The following HECTD4 variants were observed in gnomAD, a reference collection of about 807,000 sequenced individuals.
The protein encoded by HECTD4 is probable E3 ubiquitin-protein ligase HECTD4.
HECTD4 carries 114 observed loss-of-function variants against 471.5 expected under a neutral mutation model. The ratio of observed to expected loss-of-function variants is 0.24; its 90% CI spans 0.21 to 0.28. The LOEUF (loss-of-function observed/expected upper bound fraction) is 0.28. Ranked by LOEUF, HECTD4 falls within the 10% of genes least tolerant of loss-of-function variation. HECTD4 has a pLI of 1.00. For missense variants in HECTD4, 3,866 were observed against 5,651.5 expected (o/e 0.68, Z 10.13); for synonymous variants, 2,012 against 2,256.0 (o/e 0.89, Z 3.07).
chr12:112,171,562 A>C (rs957533573), intron 67 of HECTD4, among the ~76,000 whole-genome samples: 1 of 152,214 alleles, frequency 6.6e-6, no homozygotes, highest in Admixed American at 6.5e-5. Flanking sequence ...TTGACTTACA[A>C]TTTTGAAATA....
At chr12:112,211,090 G>A (rs1464395686) in intron 49 of HECTD4, among the ~76,000 whole-genome samples, 1 of 152,170 alleles carries the variant, frequency 6.6e-6, no homozygotes, top group Non-Finnish European at 1.5e-5. Context: ...AGTAGCTCTT[G>A]CCTGTAATCC....
chr12:112,247,931 A>G (rs923757988), intron 27 of HECTD4, 136 bp downstream of exon 27: 1 of 580,420 alleles, frequency 1.7e-6, no homozygotes, highest in Admixed American at 3.5e-5. Flanking sequence ...AAGAATGGGT[A>G]CATTTTTGGA....
chr12:112,167,309 G>C lies in HECTD4; in HGVS notation c.12534+8C>G, dbSNP rs769047145. On this transcript the variant is annotated splice_region_variant and intron_variant, in intron 72 of 75. Coordinates refer to ENST00000682272, the MANE Select transcript of HECTD4 (RefSeq NM_001388303.1). ...CTGCAGCCCCCCAGAACTGTGCCTTGCACTCACGCTCTCAAACTTCTTGAC... is the reference window on the plus strand; with the variant it reads ...CTGCAGCCCCCCAGAACTGTGCCTTCCACTCACGCTCTCAAACTTCTTGAC... 2.5e-6 allele frequency: 4 copies of C among 1,604,608 alleles called. No individual in the cohort carries two copies. In the East Asian group the frequency reaches 8.9e-5, roughly 36 times the overall value.
intron 37 of HECTD4, among the ~76,000 whole-genome samples, chr12:112,234,454 TAA>T (rs1354294755): frequency 2.0e-5 from 3 of 152,186 alleles, no homozygotes; most frequent in Non-Finnish European, 2.9e-5. Context: ...ATCATTTAAG[TAA>T]AGAGAGGCCT....
intron 59 of HECTD4, among the ~76,000 whole-genome samples, chr12:112,191,917 C>G (rs538211262): frequency 6.6e-6 from 1 of 152,306 alleles, no homozygotes; most frequent in East Asian, 1.9e-4. Flanking sequence ...ACGCGTCAGT[C>G]TTTTCCTGTC....
At chr12:112,219,284 G>T in intron 45 of HECTD4, 102 bp downstream of exon 45, 2 of 726,128 alleles carry the variant, frequency 2.8e-6, no homozygotes, top group Non-Finnish European at 2.2e-6. Context: ...CCTCCAAACG[G>T]CTTTGCAAAC....
chr12:112,262,495 G>A (rs566798350), intron 17 of HECTD4, among the ~76,000 whole-genome samples: 178 of 86,606 alleles, frequency 2.1e-3, no homozygotes, highest in Admixed American at 7.5e-3. Context: ...CAGCCTGGGC[G>A]ACAAAGAGAG....
chr12:112,233,120 T>C, intron 37 of HECTD4, 35 bp from the exon 38 acceptor site: 2 of 1,559,956 alleles, frequency 1.3e-6, no homozygotes, highest in South Asian at 2.3e-5. Flanking sequence ...CAGCACACCT[T>C]ACAGGCACTG....
At position 112,185,133 on chromosome 12, in the gene HECTD4, C is replaced by T. The variant is rs1204764627; in HGVS notation, c.9833G>A (p.Ser3278Asn). 6.4e-7 allele frequency: 1 copy of T among 1,555,354 alleles called. No homozygotes were observed. Among genetic ancestry groups the T allele is most frequent in the Admixed American group, 2.0e-5 (1 of 51,224 alleles). The change falls in exon 61 of 76, where the codon AGT becomes AAT. Residue 3278 changes from serine (S) to asparagine (N), a missense_variant. Physicochemically the swap from Ser to Asn is conservative, Grantham distance 46. This residue lies in a region of HECTD4 where 38 missense variants were observed against 72.1 expected (regional missense o/e 0.53). Transcript: ENST00000682272. ...TLPTNMSVTA[S>N]GVTSATAPNL... is the part of the protein sequence containing the mutation. ...TGGGGCGGTCGCTGAGGTCACCCCA[C>T]TGGCTGTGACACTCATGTTAGTAGG...
At chr12:112,212,835 GC>G (rs1453349744) in intron 48 of HECTD4, among the ~76,000 whole-genome samples, 185 bp from the exon 49 acceptor site, 1 of 152,092 alleles carries the variant, frequency 6.6e-6, no homozygotes, top group Non-Finnish European at 1.5e-5. Context: ...TCACTCTGTT[GC>G]CCAGGCTGGA....
chr12:112,189,196 A>G (rs1566066150), intron 60 of HECTD4, among the ~76,000 whole-genome samples: 1 of 152,184 alleles, frequency 6.6e-6, no homozygotes, highest in Non-Finnish European at 1.5e-5. Context: ...CTTGGTTGCC[A>G]ACATTTAAAA....
intron 61 of HECTD4, 78 bp from the exon 62 acceptor site, chr12:112,183,344 CT>C (rs1480572197): frequency 6.2e-6 from 7 of 1,123,524 alleles, no homozygotes; most frequent in Middle Eastern, 2.2e-4. Flanking sequence ...TCCCTCCCAC[CT>C]TTTCCTGGAA....
Position 112,175,819 on chromosome 12 carries a change from T to C in HECTD4, c.11511A>G (p.Lys3837=). The change falls in exon 66 of 76, where the codon AAA becomes AAG. Residue 3837 remains lysine (K), a synonymous_variant. Transcript: ENST00000682272. The part of the protein sequence containing the change: ...EKYLTLEGFH[K]FVIDRARQDI... ...CTTGCCTGGCTCGGTCAATAACAAATTTGTGAAATCCTTCCAGCGTCAGGT... is the reference window on the plus strand; with the variant it reads ...CTTGCCTGGCTCGGTCAATAACAAACTTGTGAAATCCTTCCAGCGTCAGGT... The C allele has an allele frequency of 6.2e-7, 1 of 1,613,590 alleles. No individual in the cohort carries two copies. The highest frequency in any genetic ancestry group is 8.5e-7 in the Non-Finnish European group (1 of 1,179,760).
rs1594040091 is a variant in HECTD4 at position 112,319,692 on chromosome 12, G to A, written c.228C>T (p.Arg76=). 4 of 1,277,398 alleles carry A rather than the reference G, an allele frequency of 3.1e-6. No homozygotes were observed. In the East Asian group the frequency reaches 1.2e-4, roughly 37 times the overall value. 79.1% of individuals were successfully genotyped at this position (1,277,398 alleles called of 1,614,324 possible). A position where few individuals can be genotyped will look rare whatever the true frequency, so the allele number is the denominator to read the frequency against. The change falls in exon 2 of 76, where the codon CGC becomes CGT. Residue 76 remains arginine (R), a synonymous_variant. Transcript: ENST00000682272. This position sits in a 1 kb window ranked among gnomAD's most constrained non-coding sequence, Gnocchi z 5.3. ...CATTGCTCTGATTCCCACAAACAGAGCGCAAACGTTCTGCTAATTCCGACG... is the reference window on the plus strand; with the variant it reads ...CATTGCTCTGATTCCCACAAACAGAACGCAAACGTTCTGCTAATTCCGACG... ...KNPSELAERL[R]SVCGNQSNAY... is the part of the protein sequence containing the mutation.
chr12:112,213,010 G>A lies in HECTD4; in HGVS notation c.7466-360C>T, dbSNP rs893641959. On this transcript the variant is annotated intron_variant, in intron 48 of 75. Transcript: ENST00000682272. The surrounding 1 kb of genome is among the most constrained non-coding windows in gnomAD (Gnocchi z 4.0). ...AGGGTTTTGCCATGTTGGCCAGACT[G>A]GTCTCGAACTGTTGACCTCAGGCAA... 6.6e-6 allele frequency among the ~76,000 whole-genome samples: 1 copy of A among 152,140 alleles called. No homozygotes were observed. The highest frequency in any genetic ancestry group is 6.6e-5 in the Admixed American group (1 of 15,266).
chr12:112,192,617 TG>T lies in HECTD4; in HGVS notation c.9234del (p.Thr3079ProfsTer79). On this transcript the variant is annotated frameshift_variant, in exon 59 of 76. Transcript: ENST00000682272. LOFTEE classifies it high-confidence loss of function. ...ACCACAGAGGGGTACTGGTCAGCGG[TG>T]GGGGGAGGTGCAAGCCCAGTGTTGG... ...SPANTGLAPP[P>X]TADQYPSVVL... 2 of 1,608,962 alleles carry T rather than the reference TG, an allele frequency of 1.2e-6. No homozygotes were observed. Among genetic ancestry groups the T allele is most frequent in the Non-Finnish European group, 1.7e-6 (2 of 1,178,106 alleles).
At chr12:112,341,698 C>T (rs927723994) in intron 1 of HECTD4, among the ~76,000 whole-genome samples, 1 of 152,164 alleles carries the variant, frequency 6.6e-6, no homozygotes, top group South Asian at 2.1e-4. Flanking sequence ...AACCGACTAG[C>T]TAAAATTAAA....
At chr12:112,165,051 G>T (rs887253888) in intron 72 of HECTD4, among the ~76,000 whole-genome samples, 1 of 151,132 alleles carries the variant, frequency 6.6e-6, no homozygotes, top group Non-Finnish European at 1.5e-5. Flanking sequence ...CTCCCGAGTA[G>T]CTGGGATTAC....
chr12:112,261,236 A>T, intron 18 of HECTD4, 69 bp downstream of exon 18: 11 of 1,446,412 alleles, frequency 7.6e-6, no homozygotes, highest in Non-Finnish European at 1.0e-5. Context: ...TTCTAAAAAG[A>T]TTTAATTTCA....
Sources: gnomAD v4.1 joint callset for allele counts (sites outside exome capture counted in the v4.1 genomes callset) on GRCh38, gnomAD v4.1.1 for gene constraint, gnomAD v4.1.1 regional missense constraint, Gnocchi (gnomAD v3.1) non-coding constraint, MANE v1.5 for transcripts, NCBI Gene and HGNC (gene_info 2026-07-23, HGNC 2026-07-21) for gene names.